Variants in ZNF611 observed in about 807,000 individuals in gnomAD.
ZNF611 encodes the protein zinc finger protein 611.
Under a neutral mutation model 8.9 loss-of-function variants are expected in ZNF611, and 6 were observed. That is an observed-to-expected ratio of 0.68 (90% CI 0.37 to 1.34). The LOEUF is 1.34. Ranked by LOEUF, ZNF611 falls within the 40% of genes most tolerant of loss-of-function variation. The probability of loss-of-function intolerance (pLI) is 0.02; values close to 1 mark genes in which losing one functional copy is unlikely to be tolerated. For synonymous variants in ZNF611, 262 were observed against 279.7 expected, an observed-to-expected ratio of 0.94 and a Z score of 0.63; for missense variants, 874 against 841.3, an observed-to-expected ratio of 1.04 and a Z score of -0.48.
Position 52,706,511 on chromosome 19 carries a change from T to G in ZNF611, c.544A>C (p.Lys182Gln). 6.2e-7 allele frequency: 1 copy of G among 1,614,214 alleles called. No homozygotes were observed. Among genetic ancestry groups the G allele is most frequent in the Non-Finnish European group, 8.5e-7 (1 of 1,180,034 alleles). ...IKGEIGNQLEKSTNDAPSVST... is the reference protein window; with the variant it reads ...IKGEIGNQLEQSTNDAPSVST... ...ACTGAGGGAGCATCATTAGTAGACT[T>G]CTCAAGTTGATTACCAATTTCACCT... The change falls in exon 6 of 6, where the codon AAG becomes CAG. Residue 182 changes from lysine to glutamine, a missense_variant. Physicochemically the swap from Lys to Gln is moderately conservative, Grantham distance 53. Coordinates refer to ENST00000652185, the MANE Select transcript of ZNF611 (RefSeq NM_001161499.2).
intron 5 of ZNF611, among the ~76,000 whole-genome samples, chr19:52,710,939 A>T (rs1229026062): frequency 2.0e-5 from 3 of 148,850 alleles, no homozygotes; most frequent in Admixed American, 1.3e-4. Context: ...GTCCTGAGGC[A>T]GGACAATCAC....
chr19:52,717,823 G>C (rs1389350087), intron 3 of ZNF611: 1 of 373,366 alleles, frequency 2.7e-6, no homozygotes, highest in Non-Finnish European at 3.7e-6. Context: ...TCATGTTAGG[G>C]TAAGGAAAAA....
intron 3 of ZNF611, chr19:52,721,335 GGA>G (rs2147437974): frequency 5.5e-6 from 1 of 181,784 alleles, no homozygotes; most frequent in African/African-American, 2.4e-5. Context: ...CAGGCGGCTG[GGA>G]GGTGGAGGTT....
chr19:52,705,409 C>T lies in ZNF611; in HGVS notation c.1646G>A (p.Cys549Tyr). The part of the protein sequence containing the change: ...KCKVCDKAFA[C>Y]HSYLAKHTRI... Reference sequence around the variant, plus strand: ...AGTATGTTTTGCCAGATAGGAATGACACGCAAAAGCCTTGTCACAAACCTT... The same window carrying T: ...AGTATGTTTTGCCAGATAGGAATGATACGCAAAAGCCTTGTCACAAACCTT... The change falls in exon 6 of 6, where the codon TGT (cysteine) becomes TAT (tyrosine). Residue 549 changes from cysteine to tyrosine, a missense_variant. Coordinates refer to ENST00000652185, the MANE Select transcript of ZNF611 (RefSeq NM_001161499.2). 6.2e-7 allele frequency: 1 copy of T among 1,614,122 alleles called. No individual in the cohort carries two copies. The highest frequency in any genetic ancestry group is 1.6e-4 in the Middle Eastern group (1 of 6,062).
intron 5 of ZNF611, among the ~76,000 whole-genome samples, chr19:52,707,701 C>A (rs2062254567): frequency 6.6e-6 from 1 of 151,918 alleles, no homozygotes; most frequent in Non-Finnish European, 1.5e-5. Flanking sequence ...ATGGTGCCAT[C>A]TCAGCTCACT....
At position 52,722,118 on chromosome 19, in the gene ZNF611, T is replaced by C. The variant is rs564310517; in HGVS notation, c.-19-6205A>G. On this transcript the variant is annotated intron_variant, in intron 3 of 5. Transcript: ENST00000652185. ...GGCTCATCCCTATAATCCCAGTACA[T>C]TGCAAGGCCAAGACAGGAGGAACCT... 1.3e-4 allele frequency among the ~76,000 whole-genome samples: 20 copies of C among 151,998 alleles called. 1 individual carries two copies. The South Asian group carries it at 3.9e-3, about 30-fold the overall frequency.
chr19:52,722,386 TATTA>T (rs376884438), intron 3 of ZNF611, among the ~76,000 whole-genome samples: 5,680 of 151,798 alleles, frequency 0.037, 337 homozygotes, highest in African/African-American at 0.13. Flanking sequence ...TGTCTCAAAA[TATTA>T]ATTAATTAAT....
intron 1 of ZNF611, among the ~76,000 whole-genome samples, chr19:52,730,771 A>C (rs1207173997): frequency 6.6e-6 from 1 of 151,154 alleles, no homozygotes; most frequent in Non-Finnish European, 1.5e-5. Flanking sequence ...TTTAGTAGAG[A>C]CGGGGTTTCT....
intron 3 of ZNF611, chr19:52,721,014 C>T: frequency 6.7e-6 from 1 of 150,104 alleles, no homozygotes; most frequent in South Asian, 2.0e-4. Flanking sequence ...GACGGGGCGG[C>T]CAGGCAGAGG....
chr19:52,704,334 GC>G lies in ZNF611; in HGVS notation c.*602del. The G allele has an allele frequency of 1.7e-6, 1 of 600,764 alleles. No homozygotes were observed. Among genetic ancestry groups the G allele is most frequent in the South Asian group, 1.4e-5 (1 of 71,064 alleles). The allele number at this position is 600,764 out of a possible 1,614,324, so 37.2% of individuals were successfully genotyped here. On this transcript the variant is annotated 3_prime_UTR_variant, in exon 6 of 6. Transcript: ENST00000652185. ...GGAGTGATCTTGGACTGAAGACCTT[GC>G]CACACTGATGACATTTGTAAGATTT...
intron 3 of ZNF611, among the ~76,000 whole-genome samples, chr19:52,728,446 G>A (rs907296862): frequency 6.6e-6 from 1 of 152,048 alleles, no homozygotes; most frequent in Admixed American, 6.6e-5. Flanking sequence ...GCTGAGGCAG[G>A]AGAATCACAT....
intron 5 of ZNF611, among the ~76,000 whole-genome samples, chr19:52,709,033 G>A (rs987281926): frequency 2.0e-5 from 3 of 152,080 alleles, no homozygotes; most frequent in Admixed American, 2.0e-4. Flanking sequence ...ACTGAGATCA[G>A]AGAAAACATT....
chr19:52,723,044 G>T (rs1568607442), intron 3 of ZNF611, among the ~76,000 whole-genome samples: 2 of 151,330 alleles, frequency 1.3e-5, no homozygotes, highest in African/African-American at 2.4e-5. Flanking sequence ...ACTGCGCCTG[G>T]CCCCTCTTTC....
At chr19:52,726,244 G>A (rs112393823) in intron 3 of ZNF611, among the ~76,000 whole-genome samples, 2,299 of 152,186 alleles carry the variant, frequency 0.015, 53 homozygotes, top group African/African-American at 0.048. Flanking sequence ...CTGCCTAAAC[G>A]CAGCAGGGAT....
chr19:52,728,142 G>A (rs1448640710), intron 3 of ZNF611, among the ~76,000 whole-genome samples: 3 of 152,182 alleles, frequency 2.0e-5, no homozygotes, highest in African/African-American at 2.4e-5. Context: ...TCCTGACCTC[G>A]GGATTGGCCA....
chr19:52,734,182 CTTAGGTT>C (rs1272644024), intron 1 of ZNF611, among the ~76,000 whole-genome samples: 1 of 118,688 alleles, frequency 8.4e-6, no homozygotes, highest in Non-Finnish European at 1.7e-5. Context: ...CTCCTGCTTT[CTTAGGTT>C]TTTTTTTTTT....
intron 3 of ZNF611, chr19:52,723,851 T>G (rs545300920): frequency 3.9e-5 from 6 of 152,122 alleles, no homozygotes; most frequent in Non-Finnish European, 7.4e-5. Context: ...CATAAATAAG[T>G]TTAAGGAAAG....
At chr19:52,716,129 A>G (rs1313047678) in intron 3 of ZNF611, 3 of 533,706 alleles carry the variant, frequency 5.6e-6, no homozygotes, top group Non-Finnish European at 9.9e-6. Context: ...TGGAGAAGCC[A>G]CCACACACGA....
Position 52,705,773 on chromosome 19 carries a change from A to C in ZNF611, c.1282T>G (p.Cys428Gly). ...CTGAAGGTCTTGCCACACTCATTAC[A>C]TTTATAAGTTTTCTTTGCAGTATGA... ...RIHTAKKTYK[C>G]NECGKTFSHK... Residue 428 changes from cysteine to glycine, a missense_variant, in exon 6 of 6, where the codon TGT becomes GGT. Cys to Gly is a radical substitution (Grantham distance 159, BLOSUM62 -3). Coordinates refer to ENST00000652185, the MANE Select transcript of ZNF611 (RefSeq NM_001161499.2). 1 of 1,614,012 alleles carries C rather than the reference A, an allele frequency of 6.2e-7. No individual in the cohort carries two copies. The highest frequency in any genetic ancestry group is 1.1e-5 in the South Asian group (1 of 91,052).
Sources: gnomAD v4.1 joint callset for allele counts (sites outside exome capture counted in the v4.1 genomes callset) on GRCh38, gnomAD v4.1.1 for gene constraint, MANE v1.5 for transcripts, NCBI Gene and HGNC (gene_info 2026-07-23, HGNC 2026-07-21) for gene names.